AHNAK: variants seen among roughly 807,000 people sequenced by gnomAD.
AHNAK encodes AHNAK nucleoprotein, also known as neuroblast differentiation-associated protein AHNAK.
In AHNAK, 23 loss-of-function variants were observed where a neutral mutation model predicts 37.8. The observed-to-expected ratio is 0.61, with a 90% CI of 0.44 to 0.86. The LOEUF (loss-of-function observed/expected upper bound fraction) is 0.86. Ranked by LOEUF, AHNAK falls within the 40% of genes least tolerant of loss-of-function variation. The pLI is 0.00. For synonymous variants in AHNAK, 2,481 were observed against 2,636.3 expected (o/e 0.94, Z 1.80); for missense variants, 7,411 against 7,319.4 (o/e 1.01, Z -0.46).
At chr11:62,472,663 TC>T (rs1231477606) in intron 5 of AHNAK, among the ~76,000 whole-genome samples, 1 of 152,048 alleles carries the variant, frequency 6.6e-6, no homozygotes. Flanking sequence ...CAAAGAATGG[TC>T]CAGACTCCTA....
chr11:62,502,278 C>T (rs780189746), intron 4 of AHNAK, among the ~76,000 whole-genome samples: 3 of 152,214 alleles, frequency 2.0e-5, no homozygotes, highest in Non-Finnish European at 2.9e-5. Context: ...CAGAATTTAG[C>T]TGAATTCACA....
In AHNAK at chr11:62,523,730, T is replaced by C. The variant is rs768864623; in HGVS notation, c.10687A>G (p.Ile3563Val). Residue 3563 changes from isoleucine (I) to valine (V), a missense_variant, in exon 5 of 5, where the codon ATT becomes GTT. Transcript: ENST00000378024. ...TCCCCTTCAAGTTTGGGAAGAGAAA[T>C]ATCCACATCACCTTTCACCTTGGGG... ...KGPKVKGDVD[I>V]SLPKLEGDLK... 15 of 1,612,402 alleles carry C rather than the reference T, an allele frequency of 9.3e-6. No individual in the cohort carries two copies. In the East Asian group the frequency reaches 3.1e-4, roughly 34 times the overall value.
At chr11:62,454,641 T>C (rs1272874966) in intron 5 of AHNAK, among the ~76,000 whole-genome samples, 1 of 151,994 alleles carries the variant, frequency 6.6e-6, no homozygotes, top group Non-Finnish European at 1.5e-5. Flanking sequence ...GGTAAGGAGA[T>C]GTCAAGCCCA....
chr11:62,530,441 G>A lies in AHNAK; in HGVS notation c.3976C>T (p.Pro1326Ser). 6.2e-7 allele frequency: 1 copy of A among 1,613,948 alleles called. No individual in the cohort carries two copies. Among genetic ancestry groups the A allele is most frequent in the Non-Finnish European group, 8.5e-7 (1 of 1,179,986 alleles). The part of the protein sequence containing the change: ...MHFKAPKISM[P>S]DVDLNLKGPK... ...CCCTTAAGATTCAGGTCCACATCAG[G>A]CATGGAGATCTTGGGGGCCTTGAAG... The change falls in exon 5 of 5, where the codon CCT becomes TCT. Residue 1326 changes from proline to serine, a missense_variant. Transcript: ENST00000378024.
At chr11:62,465,954 G>A (rs780013494) in intron 5 of AHNAK, among the ~76,000 whole-genome samples, 52 of 152,168 alleles carry the variant, frequency 3.4e-4, no homozygotes, top group Non-Finnish European at 7.2e-4. Flanking sequence ...ACAATAAGTG[G>A]CTGTTGTTCA....
rs772266219 is a variant in AHNAK at position 62,521,891 on chromosome 11, C to G, written c.12526G>C (p.Asp4176His). ...KGPKVDIDVP[D>H]VDVQGPDWHL... ...CAGTCTGGGCCTTGAACGTCCACAT[C>G]TGGGACATCAATGTCCACTTTGGGG... Residue 4176 changes from aspartate to histidine, a missense_variant, in exon 5 of 5, where the codon GAT (aspartate) becomes CAT (histidine). Asp to His is a moderately conservative substitution (Grantham distance 81). Transcript: ENST00000378024. The G allele has an allele frequency of 6.2e-7, 1 of 1,613,208 alleles. No homozygotes were observed. Among genetic ancestry groups the G allele is most frequent in the African/African-American group, 1.3e-5 (1 of 74,636 alleles).
In AHNAK at chr11:62,518,558, A is replaced by G. The variant is rs113445708; in HGVS notation, c.15859T>C (p.Leu5287=). 4 of 1,613,980 alleles carry G rather than the reference A, an allele frequency of 2.5e-6. No homozygotes were observed. The highest frequency in any genetic ancestry group is 3.4e-6 in the Non-Finnish European group (4 of 1,180,008). The part of the protein sequence containing the change: ...DVSLKGPGVD[L]PSVNLSMPKV... ...GGCATAGAGAGGTTCACTGAAGGCA[A>G]GTCTACTCCTGGCCCCTTTAGAGAA... is the stretch of plus-strand genomic sequence containing the variant. The change falls in exon 5 of 5, where the codon TTG becomes CTG. Residue 5287 remains leucine, a synonymous_variant. Transcript: ENST00000378024.
intron 5 of AHNAK, among the ~76,000 whole-genome samples, chr11:62,485,468 C>T (rs1277630376): frequency 1.3e-5 from 2 of 151,800 alleles, no homozygotes; most frequent in Non-Finnish European, 1.5e-5. Flanking sequence ...TTTGGGAGTC[C>T]GAGGCGGGCG....
chr11:62,470,337 T>C (rs545402269), intron 5 of AHNAK, among the ~76,000 whole-genome samples: 75 of 151,996 alleles, frequency 4.9e-4, no homozygotes, highest in Non-Finnish European at 9.6e-4. Flanking sequence ...TCCCAGCTAC[T>C]CAGGAGGTTG....
intron 5 of AHNAK, chr11:62,491,704 G>A (rs768762862): frequency 7.2e-5 from 114 of 1,572,652 alleles, no homozygotes; most frequent in African/African-American, 1.1e-4. Context: ...AAGGTCATCC[G>A]TCTTTCAGTC....
rs33929407 is a variant in AHNAK at position 62,479,167 on chromosome 11, C to CTTT, written c.442+12562_442+12564dup. The stretch of plus-strand genomic sequence containing the variant: ...TTTCTTTTCTTTTTTTTTCTTTTTT[C>CTTT]TTTTTTTTTTTTTTTTTGATACGGA... On this transcript the variant is annotated intron_variant, in intron 5 of 5. Coordinates refer to the AHNAK transcript ENST00000257247. Among the ~76,000 whole-genome samples the CTTT allele has an allele frequency of 1.1e-3, 124 of 116,248 alleles. 2 individuals carry two copies. Among genetic ancestry groups the CTTT allele is most frequent in the Middle Eastern group, 5.4e-3 (1 of 186 alleles). 76.3% of individuals were successfully genotyped at this position (116,248 alleles called of 152,430 possible). A position where few individuals can be genotyped will look rare whatever the true frequency, so the allele number is the denominator to read the frequency against.
chr11:62,467,073 G>A (rs1056453814), intron 5 of AHNAK, among the ~76,000 whole-genome samples: 7 of 151,962 alleles, frequency 4.6e-5, no homozygotes, highest in Non-Finnish European at 7.4e-5. Flanking sequence ...GCCTGGAGGC[G>A]CATGCCTGTA....
intron 5 of AHNAK, among the ~76,000 whole-genome samples, chr11:62,458,514 C>A (rs1374523025): frequency 6.6e-6 from 1 of 152,116 alleles, no homozygotes; most frequent in Non-Finnish European, 1.5e-5. Flanking sequence ...CTGGAAAATG[C>A]CAAGTCACCC....
At chr11:62,459,408 G>A (rs1029429667) in intron 5 of AHNAK, among the ~76,000 whole-genome samples, 4 of 152,138 alleles carry the variant, frequency 2.6e-5, no homozygotes, top group Admixed American at 6.6e-5. Flanking sequence ...GGTCATCCCT[G>A]GGGACGAGGA....
downstream of AHNAK, among the ~76,000 whole-genome samples, chr11:62,514,737 C>T (rs959970313): frequency 1.3e-5 from 2 of 152,152 alleles, no homozygotes; most frequent in East Asian, 1.9e-4. Flanking sequence ...AGCTGTAGGT[C>T]GGTCATCTAA....
At chr11:62,460,480 T>C (rs946545562) in intron 5 of AHNAK, among the ~76,000 whole-genome samples, 13 of 152,188 alleles carry the variant, frequency 8.5e-5, no homozygotes, top group Non-Finnish European at 1.3e-4. Context: ...TCAGGCCCAG[T>C]TGGCGTGACT....
Position 62,516,859 on chromosome 11 carries a change from A to G in AHNAK, c.17558T>C (p.Val5853Ala). 1 of 1,613,970 alleles carries G rather than the reference A, an allele frequency of 6.2e-7. No individual in the cohort carries two copies. The highest frequency in any genetic ancestry group is 8.5e-7 in the Non-Finnish European group (1 of 1,179,970). ...TCGGGACTTCTTAGAGGCCAGGGACACCCCACTCCCCTGTAACTTGCCTGT... is the reference window on the plus strand; with the variant it reads ...TCGGGACTTCTTAGAGGCCAGGGACGCCCCACTCCCCTGTAACTTGCCTGT... ...DETGKLQGSG[V>A]SLASKKSRLS... Residue 5853 changes from valine (V) to alanine (A), a missense_variant, in exon 5 of 5, where the codon GTG becomes GCG. Transcript: ENST00000378024.
intron 5 of AHNAK, among the ~76,000 whole-genome samples, chr11:62,486,536 AAGGAAGGG>A (rs1284017485): frequency 1.6e-3 from 83 of 53,490 alleles, no homozygotes; most frequent in African/African-American, 3.5e-3. Flanking sequence ...AGAAGGAAGG[AAGGAAGGG>A]AGGGAGGGAG....
chr11:62,494,292 ACT>A (rs1272068868), intron 4 of AHNAK, among the ~76,000 whole-genome samples: 2 of 152,076 alleles, frequency 1.3e-5, no homozygotes, highest in Non-Finnish European at 2.9e-5. Context: ...GCATGTGATG[ACT>A]CTTCTTTTTA....
Sources: gnomAD v4.1 joint callset for allele counts (sites outside exome capture counted in the v4.1 genomes callset) on GRCh38, gnomAD v4.1.1 for gene constraint, MANE v1.5 for transcripts, NCBI Gene and HGNC (gene_info 2026-07-23, HGNC 2026-07-21) for gene names.